REXO1: variants seen among roughly 807,000 people sequenced by gnomAD.
REXO1 encodes the protein REX1, RNA exonuclease 1 homolog.
In REXO1, 42 loss-of-function variants were observed where a neutral mutation model predicts 102.6. That is an observed-to-expected ratio of 0.41 (90% CI 0.32 to 0.53). The LOEUF (loss-of-function observed/expected upper bound fraction) is 0.53. REXO1 is among the 20% of genes least tolerant of loss of function. REXO1 has a pLI of 0.27. For missense variants in REXO1, 1,819 were observed against 1,732.5 expected (o/e 1.05, Z -0.89); for synonymous variants, 908 against 779.1 (o/e 1.17, Z -2.76).
chr19:1,816,404 C>A, intron 14 of REXO1, 27 bp downstream of exon 14: 1 of 1,603,790 alleles, frequency 6.2e-7, no homozygotes, highest in East Asian at 2.3e-5. Flanking sequence ...GCTGGAGAAC[C>A]GCGCGGGACC....
chr19:1,819,293 G>A (rs992349086), intron 7 of REXO1, among the ~76,000 whole-genome samples, 162 bp from the exon 8 acceptor site: 5 of 151,430 alleles, frequency 3.3e-5, no homozygotes, highest in Admixed American at 6.6e-5. Context: ...ACCCGAACAG[G>A]AGAGGCAGAC....
chr19:1,830,756 C>T lies in REXO1; in HGVS notation c.158-2125G>A, dbSNP rs186715808. The T allele has an allele frequency of 1.7e-3, 382 of 220,720 alleles. 3 individuals carry two copies. The highest frequency in any genetic ancestry group is 3.1e-3 in the Non-Finnish European group (323 of 103,064). The allele number at this position is 220,720 out of a possible 1,614,324, so 13.7% of individuals were successfully genotyped here. A position where few individuals can be genotyped will look rare whatever the true frequency, so the allele number is the denominator to read the frequency against. ...GCCGAGATCTTGCAGAGCAGTTTCG[C>T]AACCATCCCATGCAGCTTCAACACC... On this transcript the variant is annotated intron_variant, in intron 1 of 15. Coordinates refer to ENST00000170168, the MANE Select transcript of REXO1 (RefSeq NM_020695.4).
Position 1,848,402 on chromosome 19 carries a change from CCAGGG to C in REXO1, c.-49_-45del. On this transcript the variant is annotated 5_prime_UTR_variant, in exon 1 of 16. Coordinates refer to ENST00000170168, the MANE Select transcript of REXO1 (RefSeq NM_020695.4). ...GCCCCGGCCCGGAGCCGCCCGGGCC[CCAGGG>C]CCCCCTCACTGGCGCCGCGGTCGCC... 1 of 1,172,792 alleles carries C rather than the reference CCAGGG, an allele frequency of 8.5e-7. No homozygotes were observed. 72.6% of individuals were successfully genotyped at this position (1,172,792 alleles called of 1,614,324 possible).
rs2069383284 is a variant in REXO1, at chr19:1,816,898, C to T, written c.3202-85G>A. Reference sequence around the variant, plus strand: ...CCCTGCCCCTTTGAGTCTCCAGAGCCCCTCCAGGCAGAGGCAGTGACCAGA... The same window carrying T: ...CCCTGCCCCTTTGAGTCTCCAGAGCTCCTCCAGGCAGAGGCAGTGACCAGA... On this transcript the variant is annotated intron_variant, in intron 12 of 15. Coordinates refer to ENST00000170168, the MANE Select transcript of REXO1 (RefSeq NM_020695.4). 30 of 1,037,528 alleles carry T rather than the reference C, an allele frequency of 2.9e-5. No individual in the cohort carries two copies. In the South Asian group the frequency reaches 4.0e-4, roughly 14 times the overall value. The allele number at this position is 1,037,528 out of a possible 1,614,324, so 64.3% of individuals were successfully genotyped here.
intron 1 of REXO1, among the ~76,000 whole-genome samples, chr19:1,844,173 A>T (rs2011429375): frequency 6.6e-6 from 1 of 152,228 alleles, no homozygotes; most frequent in South Asian, 2.1e-4. Context: ...CAGAGGAGGC[A>T]GGCAGGGCCC....
chr19:1,838,385 G>A (rs944358301), intron 1 of REXO1, among the ~76,000 whole-genome samples: 1 of 151,452 alleles, frequency 6.6e-6, no homozygotes, highest in Non-Finnish European at 1.5e-5. Flanking sequence ...TTGGAAAGTC[G>A]AAGCGGGCGG....
rs945425186 is a variant in REXO1, at chr19:1,817,881, G to A, written c.3017-101C>T. 1.2e-4 allele frequency: 110 copies of A among 912,058 alleles called. No individual in the cohort carries two copies. The African/African-American group carries it at 1.5e-3, about 12-fold the overall frequency. The allele number at this position is 912,058 out of a possible 1,614,324, so 56.5% of individuals were successfully genotyped here. On this transcript the variant is annotated intron_variant, in intron 10 of 15. Coordinates refer to ENST00000170168, the MANE Select transcript of REXO1 (RefSeq NM_020695.4). ...TCTACCGAGCCCTACTAGGGAGTGAGGACTGAGGACAGGAGGCCTCAGCCT... is the reference window on the plus strand; with the variant it reads ...TCTACCGAGCCCTACTAGGGAGTGAAGACTGAGGACAGGAGGCCTCAGCCT...
intron 2 of REXO1, 53 bp from the exon 3 acceptor site, chr19:1,825,996 A>G: frequency 7.6e-7 from 1 of 1,323,268 alleles, no homozygotes; most frequent in Non-Finnish European, 1.1e-6. Flanking sequence ...GCCAACACCA[A>G]CACACCCCAA....
At chr19:1,838,179 G>C (rs2070096802) in intron 1 of REXO1, among the ~76,000 whole-genome samples, 1 of 151,768 alleles carries the variant, frequency 6.6e-6, no homozygotes, top group Non-Finnish European at 1.5e-5. Flanking sequence ...AAATTAGCCG[G>C]GTGTGGGGGT....
In REXO1 at chr19:1,819,924, C is replaced by CA; in HGVS notation, c.2650+9dup. 1 of 1,569,850 alleles carries CA rather than the reference C, an allele frequency of 6.4e-7. No homozygotes were observed. Among genetic ancestry groups the CA allele is most frequent in the Non-Finnish European group, 8.6e-7 (1 of 1,161,550 alleles). On this transcript the variant is annotated intron_variant, in intron 7 of 15. Coordinates refer to ENST00000170168, the MANE Select transcript of REXO1 (RefSeq NM_020695.4). ...CCCTGAGCCTCCCCCGCCCACCCGC[C>CA]AGGACTCACTGCTGAGGCCGGGCAC...
chr19:1,827,220 C>A lies in REXO1; in HGVS notation c.1569G>T (p.Gly523=). The change falls in exon 2 of 16, where the codon GGG becomes GGT. Residue 523 remains glycine, a synonymous_variant. Coordinates refer to ENST00000170168, the MANE Select transcript of REXO1 (RefSeq NM_020695.4). ...CTGCGGCCTCGTCCTCACTCTCGTCCCCAAAGAGGTCGGCGTGGCTCAGGG... is the reference window on the plus strand; with the variant it reads ...CTGCGGCCTCGTCCTCACTCTCGTCACCAAAGAGGTCGGCGTGGCTCAGGG... ...KRALSHADLF[G]DESEDEAAGP... The A allele has an allele frequency of 1.3e-6, 2 of 1,543,874 alleles. No individual in the cohort carries two copies. Among genetic ancestry groups the A allele is most frequent in the Non-Finnish European group, 1.7e-6 (2 of 1,149,084 alleles).
At position 1,848,253 on chromosome 19, in the gene REXO1, C is replaced by T; in HGVS notation, c.106G>A (p.Ala36Thr). The part of the protein sequence containing the change: ...RPYCHFRHRG[A>T]RGSGAPGDGG... ...TCACCGGGCGCGCCGGAGCCCCGGG[C>T]CCCGCGGTGCCGGAAGTGGCAGTAG... Residue 36 changes from alanine to threonine, a missense_variant, in exon 1 of 16, where the codon GCC becomes ACC. By Grantham distance (58) the Ala-to-Thr change is moderately conservative. Coordinates refer to ENST00000170168, the MANE Select transcript of REXO1 (RefSeq NM_020695.4). 4.9e-6 allele frequency: 6 copies of T among 1,230,020 alleles called. 1 individual carries two copies. Among genetic ancestry groups the T allele is most frequent in the Non-Finnish European group, 6.1e-6 (6 of 982,344 alleles). 76.2% of individuals were successfully genotyped at this position (1,230,020 alleles called of 1,614,324 possible).
chr19:1,835,691 C>A (rs1183261139), intron 1 of REXO1, among the ~76,000 whole-genome samples: 1 of 152,098 alleles, frequency 6.6e-6, no homozygotes, highest in African/African-American at 2.4e-5. Context: ...TGGCCCAGGT[C>A]AGTCTGTTTC....
Position 1,816,530 on chromosome 19 carries a change from A to T in REXO1, c.3357T>A (p.Ser1119Arg). 1 of 1,609,956 alleles carries T rather than the reference A, an allele frequency of 6.2e-7. No individual in the cohort carries two copies. Among genetic ancestry groups the T allele is most frequent in the Non-Finnish European group, 8.5e-7 (1 of 1,178,708 alleles). Residue 1119 changes from serine (S) to arginine (R), a missense_variant, in exon 14 of 16, where the codon AGT becomes AGA. By Grantham distance (110) the Ser-to-Arg change is moderately radical. Coordinates refer to ENST00000170168, the MANE Select transcript of REXO1 (RefSeq NM_020695.4). ...CGGCCTGGACGTCACGCAGCGTGAC[A>T]CTTGTGTCGGCAAGGTCAGCCTCCG... ...GVTEADLADT[S>R]VTLRDVQAVL...
intron 15 of REXO1, 35 bp downstream of exon 15, chr19:1,816,190 G>A (rs765133979): frequency 2.6e-6 from 4 of 1,565,352 alleles, no homozygotes; most frequent in Non-Finnish European, 2.6e-6. Context: ...CGGCCCCTGC[G>A]CAGGGACGGC....
At chr19:1,848,097 G>T in intron 1 of REXO1, 105 bp downstream of exon 1, 1 of 530,662 alleles carries the variant, frequency 1.9e-6, no homozygotes, top group Non-Finnish European at 2.8e-6. Flanking sequence ...GCGAACGTGT[G>T]GGGAGGAGGC....
At chr19:1,824,528 G>A (rs2069649946) in intron 3 of REXO1, 1 of 152,230 alleles carries the variant, frequency 6.6e-6, no homozygotes, top group Non-Finnish European at 1.5e-5. Context: ...AAAATAAACT[G>A]ATACTAACTT....
chr19:1,816,607 T>A, intron 13 of REXO1, 38 bp from the exon 14 acceptor site: 2 of 1,180,290 alleles, frequency 1.7e-6, no homozygotes, highest in Non-Finnish European at 2.2e-6. Context: ...GGGCTCAGCC[T>A]GGAAGCACTG....
chr19:1,819,175 C>G (rs1180505384), intron 7 of REXO1, 44 bp from the exon 8 acceptor site: 1 of 1,440,812 alleles, frequency 6.9e-7, no homozygotes, highest in Non-Finnish European at 9.4e-7. Flanking sequence ...AAGTAGCTGG[C>G]TCAGACCCCT....
Sources: allele counts gnomAD v4.1 joint callset (sites outside exome capture counted in the v4.1 genomes callset), GRCh38; gene constraint gnomAD v4.1.1; transcripts MANE v1.5; gene names NCBI Gene and HGNC (gene_info 2026-07-23, HGNC 2026-07-21).